QTMAN: variants seen among roughly 807,000 people sequenced by gnomAD.
QTMAN encodes the protein tRNA-queuosine alpha-mannosyltransferase.
chr2:144,295,683 G>A, the QTMAN span, among the ~76,000 whole-genome samples: 1 of 152,078 alleles, frequency 6.6e-6, no homozygotes, highest in African/African-American at 2.4e-5. Context: ...CAAGACTGTG[G>A]CTCACTGCAG....
the QTMAN span, among the ~76,000 whole-genome samples, chr2:144,090,841 A>T: frequency 1.3e-5 from 2 of 152,068 alleles, no homozygotes; most frequent in South Asian, 4.1e-4. Flanking sequence ...TAGGAAACTG[A>T]CAACCTTATT....
chr2:144,152,807 T>C, the QTMAN span, among the ~76,000 whole-genome samples: 9 of 152,148 alleles, frequency 5.9e-5, no homozygotes, highest in African/African-American at 2.2e-4. Context: ...GAACTGACAA[T>C]ATAATTGGTG....
chr2:144,182,797 AT>A, the QTMAN span, among the ~76,000 whole-genome samples: 15 of 30,252 alleles, frequency 5.0e-4, 1 homozygote, highest in East Asian at 2.0e-3. Context: ...ATATATATAT[AT>A]TATATATATA....
At chr2:143,978,041 T>G in the QTMAN span, among the ~76,000 whole-genome samples, 1,560 of 152,322 alleles carry the variant, frequency 0.01, 29 homozygotes, top group African/African-American at 0.035. Flanking sequence ...TAATGTACTG[T>G]TTCTGGGTGA....
At chr2:144,100,909 G>T in the QTMAN span, among the ~76,000 whole-genome samples, 1 of 113,392 alleles carries the variant, frequency 8.8e-6, no homozygotes, top group Admixed American at 1.3e-4. Flanking sequence ...CTGCTCTGTC[G>T]CCCAGGCTGG....
chr2:143,986,763 C>A, the QTMAN span, among the ~76,000 whole-genome samples: 1 of 152,200 alleles, frequency 6.6e-6, no homozygotes, highest in South Asian at 2.1e-4. Flanking sequence ...AAAATTTACA[C>A]ATTACTGTGC....
chr2:144,310,420 G>A, the QTMAN span, among the ~76,000 whole-genome samples: 1 of 152,212 alleles, frequency 6.6e-6, no homozygotes, highest in Non-Finnish European at 1.5e-5. Context: ...TACATTAAGT[G>A]AGAAAGAAAA....
the QTMAN span, chr2:144,145,572 CATGAAAGA>C: frequency 6.2e-7 from 1 of 1,603,876 alleles, no homozygotes; most frequent in East Asian, 2.2e-5. Context: ...CCATACCTAC[CATGAAAGA>C]ATTTGGTTGT....
the QTMAN span, among the ~76,000 whole-genome samples, chr2:144,056,191 G>A: frequency 1.3e-5 from 2 of 152,198 alleles, no homozygotes; most frequent in Non-Finnish European, 2.9e-5. Flanking sequence ...GCCAATGCTG[G>A]AATGCTGCCA....
At chr2:144,030,530 T>G in the QTMAN span, among the ~76,000 whole-genome samples, 2 of 152,192 alleles carry the variant, frequency 1.3e-5, no homozygotes, top group Admixed American at 6.5e-5. Context: ...ATATTTTTGT[T>G]TGTGTTCCTG....
the QTMAN span, among the ~76,000 whole-genome samples, chr2:144,108,810 C>T: frequency 2.0e-5 from 3 of 152,092 alleles, no homozygotes; most frequent in South Asian, 6.2e-4. Context: ...CTCCTATTCA[C>T]AATTGCTTCA....
the QTMAN span, among the ~76,000 whole-genome samples, chr2:144,019,563 CTA>C: frequency 6.6e-6 from 1 of 151,478 alleles, no homozygotes; most frequent in Non-Finnish European, 1.5e-5. Flanking sequence ...CCAGGTTCCT[CTA>C]TATAGAGGTA....
chr2:144,317,431 A>AAGGAAGGAAGGAAGGAAGGG, the QTMAN span: 3 of 151,600 alleles, frequency 2.0e-5, no homozygotes, highest in Non-Finnish European at 4.4e-5. Context: ...GGAAGGAAGG[A>AAGGAAGGAAGGAAGGAAGGG]AGGGACAATA....
chr2:144,074,348 A>G, the QTMAN span, among the ~76,000 whole-genome samples: 1 of 152,214 alleles, frequency 6.6e-6, no homozygotes, highest in African/African-American at 2.4e-5. Context: ...AAAAGTTAAA[A>G]ATCATATTAA....
the QTMAN span, among the ~76,000 whole-genome samples, chr2:144,084,293 T>C: frequency 6.6e-6 from 1 of 152,240 alleles, no homozygotes. Context: ...TGGTTAGCCA[T>C]GTGACCTTAA....
the QTMAN span, among the ~76,000 whole-genome samples, chr2:144,094,091 G>A: frequency 3.3e-5 from 5 of 152,078 alleles, no homozygotes; most frequent in Admixed American, 6.5e-5. Context: ...AGAAACATCG[G>A]GACTGTACAA....
At chr2:144,208,739 T>A in the QTMAN span, 4 of 1,613,846 alleles carry the variant, frequency 2.5e-6, no homozygotes, top group South Asian at 1.1e-5. Context: ...ACCAGCTGTT[T>A]ATGGGAGCCT....
the QTMAN span, among the ~76,000 whole-genome samples, chr2:144,268,892 C>A: frequency 3.3e-5 from 5 of 152,102 alleles, no homozygotes; most frequent in African/African-American, 1.2e-4. Context: ...CAGGTTCAAG[C>A]GATCCTTCTG....
chr2:144,003,225 G>A, the QTMAN span, among the ~76,000 whole-genome samples: 1 of 151,636 alleles, frequency 6.6e-6, no homozygotes, highest in Admixed American at 6.6e-5. Flanking sequence ...GTATGAAGGA[G>A]TCTTGAGACC....
Sources: allele counts gnomAD v4.1 joint callset (sites outside exome capture counted in the v4.1 genomes callset), GRCh38; gene constraint gnomAD v4.1.1; transcripts MANE v1.5; gene names NCBI Gene and HGNC (gene_info 2026-07-23, HGNC 2026-07-21).